PEAK1: variants seen among roughly 807,000 people sequenced by gnomAD.
The protein encoded by PEAK1 is pseudopodium enriched atypical kinase 1.
A neutral mutation model predicts 124.7 loss-of-function variants in PEAK1; 54 were observed. The ratio of observed to expected loss-of-function variants is 0.43; its 90% CI spans 0.35 to 0.54. The LOEUF is 0.54. PEAK1 is among the 20% of genes least tolerant of loss of function. The pLI is 0.01. For missense variants in PEAK1, 2,046 were observed against 2,134.5 expected, an observed-to-expected ratio of 0.96 and a Z score of 0.82; for synonymous variants, 719 against 760.0, an observed-to-expected ratio of 0.95 and a Z score of 0.89.
intron 6 of PEAK1, among the ~76,000 whole-genome samples, chr15:77,236,785 G>A (rs1004431783): frequency 2.6e-5 from 4 of 152,164 alleles, no homozygotes; most frequent in African/African-American, 9.7e-5. Context: ...GGGACCTGGT[G>A]GGAAGTGATG....
At chr15:77,169,073 CTG>C (rs1190263014) in intron 7 of PEAK1, among the ~76,000 whole-genome samples, 2 of 152,150 alleles carry the variant, frequency 1.3e-5, no homozygotes, top group Non-Finnish European at 2.9e-5. Context: ...TAGAAAAAAA[CTG>C]TTTGAATTAA....
intron 6 of PEAK1, among the ~76,000 whole-genome samples, chr15:77,216,855 T>A (rs1477520789): frequency 1.3e-5 from 2 of 152,188 alleles, no homozygotes; most frequent in East Asian, 3.9e-4. Flanking sequence ...TAATGGAAAT[T>A]TTAAACAAGT....
At chr15:77,420,677 T>A (rs2073295749), upstream of PEAK1, 3 of 390,650 alleles carry the variant, frequency 7.7e-6, no homozygotes, top group African/African-American at 4.1e-5. Context: ...AAGGCTCACC[T>A]TGCGTAACCA....
intron 1 of PEAK1, chr15:77,403,284 T>C: frequency 1.0e-6 from 1 of 981,646 alleles, no homozygotes; most frequent in Non-Finnish European, 1.2e-6. Context: ...TTGTTTACTC[T>C]GAAGAAAAGC....
At chr15:77,116,669 G>C (rs2051396683) in intron 9 of PEAK1, among the ~76,000 whole-genome samples, 1 of 151,666 alleles carries the variant, frequency 6.6e-6, no homozygotes, top group Non-Finnish European at 1.5e-5. Flanking sequence ...AAAGAAGCCT[G>C]ATATCAGTGA....
chr15:77,118,230 T>G (rs2152716939), intron 9 of PEAK1, among the ~76,000 whole-genome samples: 1 of 152,314 alleles, frequency 6.6e-6, no homozygotes, highest in East Asian at 1.9e-4. Flanking sequence ...TGATTTTACT[T>G]GGTTCATAAC....
intron 2 of PEAK1, among the ~76,000 whole-genome samples, chr15:77,319,281 C>A (rs1220919446): frequency 6.7e-6 from 1 of 148,820 alleles, no homozygotes; most frequent in Non-Finnish European, 1.5e-5. Context: ...TGCCCTAGCA[C>A]CACTTATAAA....
At chr15:77,301,096 G>C (rs1311210977) in intron 2 of PEAK1, among the ~76,000 whole-genome samples, 1 of 152,102 alleles carries the variant, frequency 6.6e-6, no homozygotes, top group Non-Finnish European at 1.5e-5. Flanking sequence ...CAAGTGATCA[G>C]AAATTTATTT....
chr15:77,151,433 G>A (rs572685638), intron 8 of PEAK1, among the ~76,000 whole-genome samples: 2 of 152,286 alleles, frequency 1.3e-5, no homozygotes, highest in East Asian at 3.9e-4. Flanking sequence ...TGAATAGATT[G>A]CAAAAATTTT....
At chr15:77,193,066 CATT>C (rs899055696) in intron 6 of PEAK1, among the ~76,000 whole-genome samples, 1 of 152,134 alleles carries the variant, frequency 6.6e-6, no homozygotes, top group Admixed American at 6.5e-5. Context: ...CTATTCAAAA[CATT>C]ATATACATGC....
intron 1 of PEAK1, among the ~76,000 whole-genome samples, chr15:77,395,466 C>T (rs2070804855): frequency 6.6e-6 from 1 of 151,874 alleles, no homozygotes; most frequent in African/African-American, 2.4e-5. Context: ...TTATATAACA[C>T]CAAGAAGATT....
At chr15:77,360,082 G>A (rs2067783579) in intron 2 of PEAK1, among the ~76,000 whole-genome samples, 1 of 152,124 alleles carries the variant, frequency 6.6e-6, no homozygotes, top group South Asian at 2.1e-4. Flanking sequence ...CAAATCAATG[G>A]AACAGAATTG....
intron 2 of PEAK1, among the ~76,000 whole-genome samples, chr15:77,304,384 G>A (rs967936601): frequency 2.7e-5 from 4 of 148,982 alleles, no homozygotes; most frequent in Admixed American, 6.7e-5. Context: ...ATATCTGTAC[G>A]TATATTTTTT....
At chr15:77,395,272 A>G (rs2070788227) in intron 1 of PEAK1, among the ~76,000 whole-genome samples, 1 of 152,180 alleles carries the variant, frequency 6.6e-6, no homozygotes, top group South Asian at 2.1e-4. Context: ...AGAAAAAAAG[A>G]ATGAAAGACA....
intron 2 of PEAK1, chr15:77,352,301 AG>A: frequency 7.1e-6 from 7 of 985,370 alleles, no homozygotes; most frequent in Non-Finnish European, 7.2e-6. Flanking sequence ...TGAGCAGTGC[AG>A]AGGGCCAAAT....
intron 5 of PEAK1, among the ~76,000 whole-genome samples, chr15:77,281,636 A>G (rs1409081609): frequency 1.3e-5 from 2 of 152,174 alleles, no homozygotes; most frequent in Non-Finnish European, 1.5e-5. Flanking sequence ...AAGACCCAAG[A>G]GCAAATTATT....
intron 2 of PEAK1, among the ~76,000 whole-genome samples, chr15:77,351,319 A>G (rs1248540441): frequency 6.6e-6 from 1 of 152,218 alleles, no homozygotes; most frequent in African/African-American, 2.4e-5. Context: ...GGAGGGCAGA[A>G]AAGAGTACTT....
intron 9 of PEAK1, among the ~76,000 whole-genome samples, chr15:77,125,010 T>C (rs1034938547): frequency 4.6e-5 from 7 of 152,256 alleles, no homozygotes; most frequent in African/African-American, 1.4e-4. Flanking sequence ...CTATTATTTA[T>C]GCCTTTGTCT....
intron 2 of PEAK1, among the ~76,000 whole-genome samples, chr15:77,315,609 G>T (rs1466536439): frequency 6.8e-6 from 1 of 147,952 alleles, no homozygotes; most frequent in Non-Finnish European, 1.5e-5. Flanking sequence ...CAGAAACACG[G>T]ATGAGTAAAA....
Sources: allele counts gnomAD v4.1 joint callset (sites outside exome capture counted in the v4.1 genomes callset), GRCh38; gene constraint gnomAD v4.1.1; transcripts MANE v1.5; gene names NCBI Gene and HGNC (gene_info 2026-07-23, HGNC 2026-07-21).